The following SMIM14 variants were observed in gnomAD, a reference collection of about 807,000 sequenced individuals.
SMIM14 encodes chromosome 4 open reading frame 34.
SMIM14 carries 5 observed loss-of-function variants against 12.6 expected under a neutral mutation model. That is an observed-to-expected ratio of 0.40 (90% CI 0.21 to 0.83). The LOEUF is 0.83. SMIM14 is among the 40% of genes least tolerant of loss of function. The pLI is 0.37. For missense variants in SMIM14, 86 were observed against 119.1 expected, an observed-to-expected ratio of 0.72 and a Z score of 1.29; for synonymous variants, 30 against 40.1, an observed-to-expected ratio of 0.75 and a Z score of 0.95.
chr4:39,626,149 AAAT>A (rs2110079108), intron 1 of SMIM14, among the ~76,000 whole-genome samples: 1 of 152,298 alleles, frequency 6.6e-6, no homozygotes, highest in African/African-American at 2.4e-5. Flanking sequence ...CCTTATGAAA[AAAT>A]AATGTCTGAT....
intron 2 of SMIM14, among the ~76,000 whole-genome samples, chr4:39,585,851 A>C (rs1003527865): frequency 6.6e-6 from 1 of 152,010 alleles, no homozygotes; most frequent in African/African-American, 2.4e-5. Flanking sequence ...CTTTGAAACC[A>C]AAGAGGCAGC....
At chr4:39,567,143 G>GAAA (rs1168446466) in intron 3 of SMIM14, among the ~76,000 whole-genome samples, 12 of 72,112 alleles carry the variant, frequency 1.7e-4, no homozygotes, top group Admixed American at 9.9e-4. Flanking sequence ...CTCAAAAAAA[G>GAAA]AAAAAAAAAA....
rs573143554 is a variant in SMIM14, at chr4:39,590,604, C to A, written c.75+14467G>T. On this transcript the variant is annotated intron_variant, in intron 2 of 4. Transcript: ENST00000295958. ...ATCACCTAAGGTCAGGAGTTCGAGA[C>A]CAGCATGGCCAACAAGGCGAAACCC... 2.0e-5 allele frequency among the ~76,000 whole-genome samples: 3 copies of A among 151,722 alleles called. No homozygotes were observed. The South Asian group carries it at 6.2e-4, about 32-fold the overall frequency.
At chr4:39,566,812 C>T (rs2109999010) in intron 3 of SMIM14, among the ~76,000 whole-genome samples, 1 of 152,036 alleles carries the variant, frequency 6.6e-6, no homozygotes, top group Non-Finnish European at 1.5e-5. Flanking sequence ...ACTAAAAGTA[C>T]AAAAATTAGC....
intron 2 of SMIM14, among the ~76,000 whole-genome samples, chr4:39,599,933 C>CAAAAAAAAA (rs56285045): frequency 1.7e-4 from 20 of 115,072 alleles, no homozygotes; most frequent in African/African-American, 3.0e-4. Context: ...AAAACAACAA[C>CAAAAAAAAA]AAAAAAAAAA....
At chr4:39,607,778 C>T (rs909021634) in intron 1 of SMIM14, among the ~76,000 whole-genome samples, 2 of 152,066 alleles carry the variant, frequency 1.3e-5, no homozygotes, top group African/African-American at 4.8e-5. Context: ...ATTTGCAAAT[C>T]ATCTGTTTGA....
chr4:39,589,335 C>A (rs1300768437), intron 2 of SMIM14, among the ~76,000 whole-genome samples: 1 of 152,208 alleles, frequency 6.6e-6, no homozygotes, highest in African/African-American at 2.4e-5. Context: ...GATTCGCCCG[C>A]CTTAGCTTCC....
intron 1 of SMIM14, among the ~76,000 whole-genome samples, chr4:39,627,804 T>G (rs1316685967): frequency 6.6e-6 from 1 of 152,170 alleles, no homozygotes; most frequent in African/African-American, 2.4e-5. Context: ...TCTTGTACAA[T>G]CCTAAGAATT....
intron 1 of SMIM14, among the ~76,000 whole-genome samples, chr4:39,613,345 T>C (rs1303734412): frequency 6.6e-6 from 1 of 152,258 alleles, no homozygotes; most frequent in African/African-American, 2.4e-5. Flanking sequence ...TATTTATAAA[T>C]AGGACATTCC....
At chr4:39,633,441 G>T (rs1234984446) in intron 1 of SMIM14, among the ~76,000 whole-genome samples, 3 of 152,062 alleles carry the variant, frequency 2.0e-5, no homozygotes, top group Non-Finnish European at 4.4e-5. Context: ...CTACATTCAT[G>T]CCCAATATTA....
intron 2 of SMIM14, among the ~76,000 whole-genome samples, chr4:39,604,799 TG>T (rs1167801522): frequency 5.3e-5 from 8 of 151,978 alleles, no homozygotes. Flanking sequence ...TTAGTAGAGA[TG>T]GGGTTTTGCT....
chr4:39,612,188 G>C (rs546853019), intron 1 of SMIM14: 1 of 151,734 alleles, frequency 6.6e-6, no homozygotes, highest in East Asian at 1.9e-4. Flanking sequence ...AACTCTGAAA[G>C]TAAATATAAC....
intron 3 of SMIM14, among the ~76,000 whole-genome samples, chr4:39,560,948 C>G (rs1032511494): frequency 6.6e-6 from 1 of 152,152 alleles, no homozygotes; most frequent in Non-Finnish European, 1.5e-5. Flanking sequence ...AACCTCTTAT[C>G]TGGTCTATTG....
intron 2 of SMIM14, among the ~76,000 whole-genome samples, chr4:39,600,199 A>G (rs1477934224): frequency 1.3e-5 from 2 of 152,008 alleles, no homozygotes; most frequent in East Asian, 1.9e-4. Context: ...CTTTTATCCT[A>G]TTTCCCATGC....
chr4:39,626,765 C>T (rs767055727), intron 1 of SMIM14, among the ~76,000 whole-genome samples: 3 of 152,080 alleles, frequency 2.0e-5, no homozygotes, highest in Admixed American at 6.6e-5. Context: ...TCTCCTTGAC[C>T]TTCTATTCCA....
intron 1 of SMIM14, among the ~76,000 whole-genome samples, chr4:39,633,633 C>T (rs574361559): frequency 1.3e-5 from 2 of 152,092 alleles, no homozygotes; most frequent in Non-Finnish European, 2.9e-5. Flanking sequence ...TAGTATGGAC[C>T]TGTGGTCCTA....
intron 3 of SMIM14, among the ~76,000 whole-genome samples, chr4:39,568,845 A>C (rs1482169436): frequency 6.6e-6 from 1 of 152,230 alleles, no homozygotes; most frequent in Non-Finnish European, 1.5e-5. Context: ...CCTAGCTCTC[A>C]GAAAGGATTT....
At chr4:39,592,525 T>A (rs1378314946) in intron 2 of SMIM14, 5 of 152,164 alleles carry the variant, frequency 3.3e-5, no homozygotes, top group East Asian at 1.9e-4. Flanking sequence ...ATAGATTTTT[T>A]AAAACATTCT....
At chr4:39,632,578 G>A (rs1419417088) in intron 1 of SMIM14, among the ~76,000 whole-genome samples, 2 of 151,544 alleles carry the variant, frequency 1.3e-5, no homozygotes, top group East Asian at 3.9e-4. Flanking sequence ...TGGACTGCAT[G>A]AGCTCAGGAG....
Sources: allele counts gnomAD v4.1 joint callset (sites outside exome capture counted in the v4.1 genomes callset), GRCh38; gene constraint gnomAD v4.1.1; transcripts MANE v1.5; gene names NCBI Gene and HGNC (gene_info 2026-07-23, HGNC 2026-07-21).